NUP214: variants seen among roughly 807,000 people sequenced by gnomAD.
The protein encoded by NUP214 is nuclear pore complex protein Nup214.
In NUP214, 79 loss-of-function variants were observed where a neutral mutation model predicts 196.2. The ratio of observed to expected loss-of-function variants is 0.40; its 90% CI spans 0.34 to 0.49. The LOEUF (loss-of-function observed/expected upper bound fraction) is 0.49. Ranked by LOEUF, NUP214 falls within the 20% of genes least tolerant of loss-of-function variation. NUP214 has a pLI of 0.58. For synonymous variants in NUP214, 1,020 were observed against 990.5 expected (o/e 1.03, Z -0.56); for missense variants, 2,468 against 2,539.0 (o/e 0.97, Z 0.60).
rs201338970 is a variant in NUP214 at position 131,163,072 on chromosome 9, G to A, written c.2622G>A (p.Arg874=). 3 of 1,614,182 alleles carry A rather than the reference G, an allele frequency of 1.9e-6. No homozygotes were observed. The Admixed American group carries it at 5.0e-5, about 27-fold the overall frequency. ...NREIINQQRK[R]LNHLVDSLQQ... ...AAATCATCAACCAACAGAGGAAGAG[G>A]CTGAATCACCTGGTGGATAGTCTTC... is the stretch of plus-strand genomic sequence containing the variant. Residue 874 remains arginine (R), a synonymous_variant, in exon 19 of 36, where the codon AGG becomes AGA. Coordinates refer to ENST00000359428, the MANE Select transcript of NUP214 (RefSeq NM_005085.4).
chr9:131,211,488 A>G (rs1320271036), intron 30 of NUP214, among the ~76,000 whole-genome samples: 3 of 152,162 alleles, frequency 2.0e-5, no homozygotes, highest in Non-Finnish European at 4.4e-5. Context: ...GGCGTTTCCC[A>G]TGATCTGGTT....
chr9:131,178,697 A>G (rs979233612), intron 24 of NUP214, among the ~76,000 whole-genome samples: 6 of 120,064 alleles, frequency 5.0e-5, no homozygotes, highest in African/African-American at 9.2e-5. Flanking sequence ...TTAGGTGTGC[A>G]GGTTGATTTT....
At chr9:131,129,562 T>C in intron 4 of NUP214, 85 bp downstream of exon 4, 1 of 1,368,316 alleles carries the variant, frequency 7.3e-7, no homozygotes, top group Non-Finnish European at 1.0e-6. Flanking sequence ...AGTGGATAGC[T>C]TTTTGTGTTT....
At chr9:131,135,063 A>T (rs1564178707) in intron 8 of NUP214, 59 bp downstream of exon 8, 2 of 1,138,632 alleles carry the variant, frequency 1.8e-6, no homozygotes, top group Non-Finnish European at 2.6e-6. Flanking sequence ...CACCTGAGTC[A>T]CCTTGTCCCA....
chr9:131,209,411 G>A (rs1479282384), intron 30 of NUP214, among the ~76,000 whole-genome samples: 2 of 152,130 alleles, frequency 1.3e-5, no homozygotes, highest in African/African-American at 2.4e-5. Context: ...TTTATTTAGA[G>A]ACGGAGTCTT....
Position 131,234,341 on chromosome 9 carries a change from A to G in NUP214, c.*854A>G, listed in dbSNP as rs911563032. 8.2e-5 allele frequency: 19 copies of G among 232,946 alleles called. No individual in the cohort carries two copies. Among genetic ancestry groups the G allele is most frequent in the African/African-American group, 4.2e-4 (19 of 45,346 alleles). The allele number at this position is 232,946 out of a possible 1,614,324, so 14.4% of individuals were successfully genotyped here. On this transcript the variant is annotated 3_prime_UTR_variant, in exon 36 of 36. Coordinates refer to ENST00000359428, the MANE Select transcript of NUP214 (RefSeq NM_005085.4). The stretch of plus-strand genomic sequence containing the variant: ...AGACAGACACTGCTGTTGCCAGACA[A>G]CACTAGCAGAACGATGCTGGATTTG...
chr9:131,233,577 C>T lies in NUP214; in HGVS notation c.*90C>T, dbSNP rs185778051. The T allele has an allele frequency of 2.9e-5, 42 of 1,460,388 alleles. No homozygotes were observed. Among genetic ancestry groups the T allele is most frequent in the African/African-American group, 1.7e-4 (12 of 71,964 alleles). 90.5% of individuals were successfully genotyped at this position (1,460,388 alleles called of 1,614,324 possible). A position where few individuals can be genotyped will look rare whatever the true frequency, so the allele number is the denominator to read the frequency against. On this transcript the variant is annotated 3_prime_UTR_variant, in exon 36 of 36. Coordinates refer to ENST00000359428, the MANE Select transcript of NUP214 (RefSeq NM_005085.4). ...TGCTGGAGCAGGCTGTTCAGACCGACGTTGCCATCAAAACACATACACCCA... is the reference window on the plus strand; with the variant it reads ...TGCTGGAGCAGGCTGTTCAGACCGATGTTGCCATCAAAACACATACACCCA...
chr9:131,227,567 A>C (rs541082479), intron 32 of NUP214, among the ~76,000 whole-genome samples: 14 of 152,202 alleles, frequency 9.2e-5, no homozygotes, highest in Non-Finnish European at 1.9e-4. Context: ...TAAATAAATA[A>C]AAAGCACCTG....
chr9:131,189,248 G>A lies in NUP214; in HGVS notation c.3574+117G>A, dbSNP rs117306627. ...AACAGGAGTCACATTTGATGAGATC[G>A]GGAGCATTCAGGGTAGTATGACCAT... On this transcript the variant is annotated intron_variant, in intron 26 of 35. Transcript: ENST00000359428. 3.0e-3 allele frequency: 2,504 copies of A among 829,078 alleles called. 10 individuals carry two copies. The highest frequency in any genetic ancestry group is 7.0e-3 in the Middle Eastern group (31 of 4,426). 51.4% of individuals were successfully genotyped at this position (829,078 alleles called of 1,614,324 possible). A position where few individuals can be genotyped will look rare whatever the true frequency, so the allele number is the denominator to read the frequency against.
At chr9:131,185,493 G>C (rs1833428241) in intron 24 of NUP214, among the ~76,000 whole-genome samples, 1 of 152,128 alleles carries the variant, frequency 6.6e-6, no homozygotes. Flanking sequence ...ATATCAAGAT[G>C]AATTTCTGAT....
intron 22 of NUP214, 114 bp downstream of exon 22, chr9:131,174,432 C>CG: frequency 5.2e-6 from 2 of 382,966 alleles, no homozygotes; most frequent in East Asian, 1.0e-4. Flanking sequence ...CTCCAGCCCA[C>CG]TTTTTTTTTT....
At chr9:131,203,805 G>A (rs2131058147) in intron 30 of NUP214, among the ~76,000 whole-genome samples, 1 of 152,354 alleles carries the variant, frequency 6.6e-6, no homozygotes, top group South Asian at 2.1e-4. Flanking sequence ...ACCTAGAGAA[G>A]TGGAGCCCAG....
chr9:131,163,342 T>A, intron 19 of NUP214, 169 bp downstream of exon 19: 1 of 615,806 alleles, frequency 1.6e-6, no homozygotes, highest in Non-Finnish European at 2.7e-6. Flanking sequence ...GCCTAAAAAA[T>A]GAGGATGACA....
chr9:131,212,758 G>A (rs550948956), intron 30 of NUP214, among the ~76,000 whole-genome samples: 69 of 152,046 alleles, frequency 4.5e-4, no homozygotes, highest in African/African-American at 1.2e-3. Flanking sequence ...TAAAATTTTC[G>A]GATATAATGG....
At chr9:131,155,693 A>G (rs1832415922) in intron 17 of NUP214, among the ~76,000 whole-genome samples, 1 of 152,278 alleles carries the variant, frequency 6.6e-6, no homozygotes, top group East Asian at 1.9e-4. Flanking sequence ...ATTCTTTTAC[A>G]TGTGGCTTGC....
Position 131,198,603 on chromosome 9 carries a change from C to G in NUP214, c.5109C>G (p.Val1703=). The change falls in exon 29 of 36, where the codon GTC becomes GTG. Residue 1703 remains valine, a synonymous_variant. Transcript: ENST00000359428. Reference sequence around the variant, plus strand: ...GCACAGCAGCTGCCACACCACAGGTCAGCAGCTCAGGGTTTAGCAGCCCAG... The same window carrying G: ...GCACAGCAGCTGCCACACCACAGGTGAGCAGCTCAGGGTTTAGCAGCCCAG... The part of the protein sequence containing the change: ...TASTAAATPQ[V]SSSGFSSPAF... The G allele has an allele frequency of 1.2e-6, 2 of 1,614,262 alleles. No individual in the cohort carries two copies. Among genetic ancestry groups the G allele is most frequent in the South Asian group, 2.2e-5 (2 of 91,082 alleles).
At position 131,151,720 on chromosome 9, in the gene NUP214, A is replaced by G; in HGVS notation, c.2278-16A>G. ...TAACAACTTTTTGTACCAACACATT[A>G]TTGTACTTTTTCTAGTCGCTTCATG... On this transcript the variant is annotated splice_polypyrimidine_tract_variant and intron_variant, in intron 16 of 35. Coordinates refer to ENST00000359428, the MANE Select transcript of NUP214 (RefSeq NM_005085.4). 1 of 1,594,822 alleles carries G rather than the reference A, an allele frequency of 6.3e-7. No individual in the cohort carries two copies. The highest frequency in any genetic ancestry group is 8.5e-7 in the Non-Finnish European group (1 of 1,173,912).
chr9:131,143,590 T>C (rs936609573), intron 11 of NUP214, among the ~76,000 whole-genome samples: 1 of 151,604 alleles, frequency 6.6e-6, no homozygotes, highest in African/African-American at 2.4e-5. Context: ...TTGTTTATAT[T>C]TCTTTGATTA....
chr9:131,231,631 CAAAA>C (rs1178878320), intron 34 of NUP214, among the ~76,000 whole-genome samples: 2 of 109,794 alleles, frequency 1.8e-5, no homozygotes, highest in Non-Finnish European at 3.9e-5. Flanking sequence ...CCAGCAGACT[CAAAA>C]AAAAAAAAAA....
Sources: allele counts gnomAD v4.1 joint callset (sites outside exome capture counted in the v4.1 genomes callset), GRCh38; gene constraint gnomAD v4.1.1; transcripts MANE v1.5; gene names NCBI Gene and HGNC (gene_info 2026-07-23, HGNC 2026-07-21).